The following DNAH1 variants were observed in gnomAD, a reference collection of about 807,000 sequenced individuals.
DNAH1 encodes axonemal beta dynein heavy chain 1.
Under a neutral mutation model 484.3 loss-of-function variants are expected in DNAH1, and 327 were observed. The observed-to-expected ratio is 0.68, with a 90% CI of 0.62 to 0.74. The LOEUF (loss-of-function observed/expected upper bound fraction) is 0.74. DNAH1 is among the 30% of genes least tolerant of loss of function. DNAH1 has a pLI of 0.00. For missense variants in DNAH1, 5,052 were observed against 5,546.8 expected, an observed-to-expected ratio of 0.91 and a Z score of 2.83; for synonymous variants, 2,192 against 2,191.9, an observed-to-expected ratio of 1.00 and a Z score of 0.00.
At position 52,361,156 on chromosome 3, in the gene DNAH1, T is replaced by G. The variant is rs1433429809; in HGVS notation, c.4686-8T>G. The G allele has an allele frequency of 6.3e-7, 1 of 1,584,650 alleles. No individual in the cohort carries two copies. The highest frequency in any genetic ancestry group is 8.6e-7 in the Non-Finnish European group (1 of 1,166,632). On this transcript the variant is annotated splice_polypyrimidine_tract_variant and splice_region_variant and intron_variant, in intron 28 of 77. Coordinates refer to ENST00000420323, the MANE Select transcript of DNAH1 (RefSeq NM_015512.5). This position sits in a 1 kb window ranked among gnomAD's most constrained non-coding sequence, Gnocchi z 5.6. ...GCGGCCCGAGCCCACCTCCTCTGTC[T>G]CCTGCAGGTGCTACCTGACACTGAC...
rs200861530 is a variant in DNAH1, at chr3:52,398,874, C to G, written c.12114C>G (p.Ile4038Met). ...VIRYNRLLQV[I>M]TQTLQDLLKA... ...GGTACAATCGGCTGCTGCAGGTGAT[C>G]ACACAGACACTGCAAGACCTACTCA... The change falls in exon 76 of 78, where the codon ATC becomes ATG. Residue 4038 changes from isoleucine to methionine, a missense_variant. Transcript: ENST00000420323. The G allele has an allele frequency of 4.5e-6, 7 of 1,561,762 alleles. No homozygotes were observed. In the Admixed American group the frequency reaches 1.1e-4, roughly 25 times the overall value.
intron 1 of DNAH1, among the ~76,000 whole-genome samples, chr3:52,320,145 G>T (rs1427455695): frequency 6.6e-6 from 1 of 152,242 alleles, no homozygotes; most frequent in Non-Finnish European, 1.5e-5. Context: ...GCCTCTCCAA[G>T]CCCTGCTCTG....
rs1704195890 is a variant in DNAH1, at chr3:52,388,242, GC to G, written c.9081del (p.Lys3028ArgfsTer42). ...DNEEFQPATI[A>X]KVSKACTSIC... ...TGAAGAGTTCCAGCCAGCCACCATT[GC>G]CAAGGTGTCCAAGGCTTGCACCTCC... On this transcript the variant is annotated frameshift_variant, in exon 57 of 78. Transcript: ENST00000420323. LOFTEE classifies it high-confidence loss of function. The G allele has an allele frequency of 6.2e-7, 1 of 1,606,288 alleles. No homozygotes were observed. Among genetic ancestry groups the G allele is most frequent in the African/African-American group, 1.3e-5 (1 of 74,930 alleles).
chr3:52,358,470 A>G lies in DNAH1; in HGVS notation c.4087-88A>G, dbSNP rs1474558117. The G allele has an allele frequency of 7.3e-7, 1 of 1,367,294 alleles. No homozygotes were observed. Among genetic ancestry groups the G allele is most frequent in the Non-Finnish European group, 9.8e-7 (1 of 1,015,984 alleles). The allele number at this position is 1,367,294 out of a possible 1,614,324, so 84.7% of individuals were successfully genotyped here. A position where few individuals can be genotyped will look rare whatever the true frequency, so the allele number is the denominator to read the frequency against. ...GGGCTTTCTTCTTGAGGTGGAGGGC[A>G]CCGGGCAGGCTTAGCGCTGGGGCTG... On this transcript the variant is annotated intron_variant, in intron 24 of 77. Coordinates refer to ENST00000420323, the MANE Select transcript of DNAH1 (RefSeq NM_015512.5). This position sits in a 1 kb window ranked among gnomAD's most constrained non-coding sequence, Gnocchi z 4.2.
At position 52,378,698 on chromosome 3, in the gene DNAH1, C is replaced by T. The variant is rs750584598; in HGVS notation, c.7295C>T (p.Ala2432Val). The change falls in exon 47 of 78, where the codon GCC (alanine) becomes GTC (valine). Residue 2432 changes from alanine (A) to valine (V), a missense_variant. By Grantham distance (64) the Ala-to-Val change is moderately conservative. This residue lies in a region of DNAH1 where 2,929 missense variants were observed against 3,409.4 expected (regional missense o/e 0.86). Coordinates refer to ENST00000420323, the MANE Select transcript of DNAH1 (RefSeq NM_015512.5). ...TITSQLLPTP[A>V]KSHYTFNLRD... ...ACCTCCCAGCTGCTGCCCACTCCAGCCAAGTCCCACTACACCTTCAACCTG... is the reference window on the plus strand; with the variant it reads ...ACCTCCCAGCTGCTGCCCACTCCAGTCAAGTCCCACTACACCTTCAACCTG... The T allele has an allele frequency of 2.5e-6, 4 of 1,613,840 alleles. No homozygotes were observed. The highest frequency in any genetic ancestry group is 3.4e-6 in the Non-Finnish European group (4 of 1,179,868).
Position 52,384,954 on chromosome 3 carries a change from C to A in DNAH1, c.8491C>A (p.Arg2831Ser), listed in dbSNP as rs558159006. ...ACTGGAGCTGAAAACTGCCAAGAAC[C>A]GCATGAAGAGCGGCCTCGACAAGGT... The part of the protein sequence containing the change: ...KKLELKTAKN[R>S]MKSGLDKLLR... The change falls in exon 53 of 78, where the codon CGC becomes AGC. Residue 2831 changes from arginine (R) to serine (S), a missense_variant. Transcript: ENST00000420323. 50 of 1,613,392 alleles carry A rather than the reference C, an allele frequency of 3.1e-5. 1 individual carries two copies. In the Admixed American group the frequency reaches 4.7e-4, roughly 15 times the overall value.
chr3:52,385,715 A>G (rs1704074780), intron 54 of DNAH1, among the ~76,000 whole-genome samples: 1 of 152,284 alleles, frequency 6.6e-6, no homozygotes, highest in African/African-American at 2.4e-5. Flanking sequence ...GAGTCTGCCC[A>G]GCACAGGGCC....
At position 52,345,714 on chromosome 3, in the gene DNAH1, G is replaced by A. The variant is rs372641413; in HGVS notation, c.1656+8G>A. 23 of 1,608,868 alleles carry A rather than the reference G, an allele frequency of 1.4e-5. No homozygotes were observed. The highest frequency in any genetic ancestry group is 1.8e-5 in the Non-Finnish European group (21 of 1,177,528). ...TCACAGACCTTCTCCCAGGTTTGTG[G>A]GCATCAAGGGCACAGGGGGCAAACG... is the stretch of plus-strand genomic sequence containing the variant. On this transcript the variant is annotated splice_region_variant and intron_variant, in intron 10 of 77. Coordinates refer to ENST00000420323, the MANE Select transcript of DNAH1 (RefSeq NM_015512.5).
Position 52,327,959 on chromosome 3 carries a change from C to G in DNAH1, c.816C>G (p.Asp272Glu), listed in dbSNP as rs368098748. 126 of 1,613,850 alleles carry G rather than the reference C, an allele frequency of 7.8e-5. No individual in the cohort carries two copies. The highest frequency in any genetic ancestry group is 9.8e-5 in the Non-Finnish European group (116 of 1,179,864). The change falls in exon 6 of 78, where the codon GAC (aspartate) becomes GAG (glutamate). Residue 272 changes from aspartate (D) to glutamate (E), a missense_variant. Transcript: ENST00000420323. Reference sequence around the variant, plus strand: ...TGGGCTTGGAGCCAGGGTCTCTGGACAGGAAACCTGTCCCGGGAAAAGCCC... The same window carrying G: ...TGGGCTTGGAGCCAGGGTCTCTGGAGAGGAAACCTGTCCCGGGAAAAGCCC... ...INMGLEPGSL[D>E]RKPVPGKALL...
At position 52,358,485 on chromosome 3, in the gene DNAH1, C is replaced by A; in HGVS notation, c.4087-73C>A. 1 of 1,476,462 alleles carries A rather than the reference C, an allele frequency of 6.8e-7. No individual in the cohort carries two copies. Among genetic ancestry groups the A allele is most frequent in the Admixed American group, 2.2e-5 (1 of 45,612 alleles). 91.5% of individuals were successfully genotyped at this position (1,476,462 alleles called of 1,614,324 possible). A position where few individuals can be genotyped will look rare whatever the true frequency, so the allele number is the denominator to read the frequency against. On this transcript the variant is annotated intron_variant, in intron 24 of 77. Coordinates refer to ENST00000420323, the MANE Select transcript of DNAH1 (RefSeq NM_015512.5). This position sits in a 1 kb window ranked among gnomAD's most constrained non-coding sequence, Gnocchi z 4.2. ...GGTGGAGGGCACCGGGCAGGCTTAG[C>A]GCTGGGGCTGTGGTGGCCAGGGCAT...
chr3:52,320,115 C>T (rs1701091130), intron 1 of DNAH1, among the ~76,000 whole-genome samples: 1 of 152,228 alleles, frequency 6.6e-6, no homozygotes, highest in Non-Finnish European at 1.5e-5. Context: ...GGAATGCTCT[C>T]CTGTGGAGCT....
chr3:52,358,651 G>T lies in DNAH1; in HGVS notation c.4180G>T (p.Val1394Leu). The T allele has an allele frequency of 1.2e-6, 2 of 1,613,278 alleles. No individual in the cohort carries two copies. Among genetic ancestry groups the T allele is most frequent in the East Asian group, 4.5e-5 (2 of 44,876 alleles). ...CTTCTCCATCTACCCCTCCAGCAAC[G>T]TGGAGGACTGGCTGCGGGAGGTGGA... ...LCFSIYPSSNVEDWLREVERS... is the reference protein window; with the variant it reads ...LCFSIYPSSNLEDWLREVERS... The change falls in exon 25 of 78, where the codon GTG becomes TTG. Residue 1394 changes from valine (V) to leucine (L), a missense_variant. Val to Leu is a conservative substitution (Grantham distance 32). Around this residue, in one of 4 missense-constraint regions of DNAH1, gnomAD observed 2,929 missense variants for 3,409.4 expected, o/e 0.86. Transcript: ENST00000420323. The surrounding 1 kb of genome is among the most constrained non-coding windows in gnomAD (Gnocchi z 4.2).
intron 9 of DNAH1, 78 bp from the exon 10 acceptor site, chr3:52,345,417 A>G: frequency 3.2e-6 from 4 of 1,259,796 alleles, no homozygotes; most frequent in Non-Finnish European, 4.5e-6. Flanking sequence ...CCCTCCTTCA[A>G]GCACCCTGTG....
rs771330021 is a variant in DNAH1 at position 52,369,895 on chromosome 3, T to A, written c.6014T>A (p.Met2005Lys). The A allele has an allele frequency of 6.2e-7, 1 of 1,613,980 alleles. No homozygotes were observed. Among genetic ancestry groups the A allele is most frequent in the East Asian group, 2.2e-5 (1 of 44,892 alleles). The change falls in exon 38 of 78, where the codon ATG becomes AAG. Residue 2005 changes from methionine (M) to lysine (K), a missense_variant. By Grantham distance (95) the Met-to-Lys change is moderately conservative. Coordinates refer to ENST00000420323, the MANE Select transcript of DNAH1 (RefSeq NM_015512.5). ...CCAGCTACAGTCTCCCGCTGTGGCA[T>A]GGTGTACCTGGAGCCCAGCATCCTG... The part of the protein sequence containing the change: ...ASPATVSRCG[M>K]VYLEPSILGL...
intron 15 of DNAH1, 123 bp downstream of exon 15, chr3:52,350,231 A>G: frequency 7.1e-7 from 1 of 1,399,246 alleles, no homozygotes; most frequent in Non-Finnish European, 9.7e-7. Context: ...GTAGTTGGAC[A>G]GAGGACAGAT....
upstream of DNAH1, among the ~76,000 whole-genome samples, chr3:52,315,974 C>CGAG (rs1700936502): frequency 6.6e-6 from 1 of 152,178 alleles, no homozygotes; most frequent in African/African-American, 2.4e-5. Flanking sequence ...AAGCAGCACC[C>CGAG]CCGACCCCCA....
intron 63 of DNAH1, among the ~76,000 whole-genome samples, chr3:52,392,028 G>T (rs775343132): frequency 6.6e-6 from 1 of 152,202 alleles, no homozygotes; most frequent in African/African-American, 2.4e-5. Flanking sequence ...GGGCACTGTG[G>T]TTTTCGCTGG....
In DNAH1 at chr3:52,395,454, G is replaced by A. The variant is rs1704577678; in HGVS notation, c.11115G>A (p.Leu3705=). 1.2e-6 allele frequency: 2 copies of A among 1,613,870 alleles called. No individual in the cohort carries two copies. ...CCAAAAAGCTCTCTGCCATCTCCCT[G>A]GGCCAGGGGCAGGTCAGGGCTAGGC... ...KFSKKLSAIS[L]GQGQGPRAEA... The change falls in exon 69 of 78, where the codon CTG becomes CTA. Residue 3705 remains leucine, a synonymous_variant. Coordinates refer to ENST00000420323, the MANE Select transcript of DNAH1 (RefSeq NM_015512.5). The surrounding 1 kb of genome is among the most constrained non-coding windows in gnomAD (Gnocchi z 4.4).
At chr3:52,399,805 C>T (rs1228110039) in intron 77 of DNAH1, 26 bp downstream of exon 77, 1 of 1,607,334 alleles carries the variant, frequency 6.2e-7, no homozygotes. Flanking sequence ...TGGGAGCCTA[C>T]ACTATGGGCG....
Sources: allele counts gnomAD v4.1 joint callset (sites outside exome capture counted in the v4.1 genomes callset), GRCh38; gene constraint gnomAD v4.1.1; regional missense constraint gnomAD v4.1.1; non-coding constraint Gnocchi (gnomAD v3.1); transcripts MANE v1.5; gene names NCBI Gene and HGNC (gene_info 2026-07-23, HGNC 2026-07-21).